Variants in PWWP3A observed in about 807,000 individuals in gnomAD.
The protein encoded by PWWP3A is PWWP domain-containing DNA repair factor 3A.
PWWP3A carries 53 observed loss-of-function variants against 79.0 expected under a neutral mutation model. The ratio of observed to expected loss-of-function variants is 0.67; its 90% CI spans 0.54 to 0.84. The LOEUF (loss-of-function observed/expected upper bound fraction) is 0.84, where lower values mean the gene tolerates loss of function less well. PWWP3A is among the 40% of genes least tolerant of loss of function. PWWP3A has a pLI of 0.00. For synonymous variants in PWWP3A, 443 were observed against 394.4 expected (o/e 1.12, Z -1.46); for missense variants, 973 against 948.0 (o/e 1.03, Z -0.35).
Position 1,360,046 on chromosome 19 carries a change from A to T in PWWP3A, c.215-90A>T. The T allele has an allele frequency of 7.5e-7, 1 of 1,326,830 alleles. No homozygotes were observed. Among genetic ancestry groups the T allele is most frequent in the Non-Finnish European group, 1.0e-6 (1 of 1,003,292 alleles). 82.2% of individuals were successfully genotyped at this position (1,326,830 alleles called of 1,614,324 possible). ...ATTTAGGTATGAAACTAGCCGTCAG[A>T]ATGAGACAAGCGAGCTTCTAAAGCG... On this transcript the variant is annotated intron_variant, in intron 4 of 13. Coordinates refer to ENST00000591337, the MANE Select transcript of PWWP3A (RefSeq NM_001369789.1). The surrounding 1 kb of genome is among the most constrained non-coding windows in gnomAD (Gnocchi z 4.4).
intron 1 of PWWP3A, among the ~76,000 whole-genome samples, 173 bp downstream of exon 1, chr19:1,355,308 G>T (rs1327368645): frequency 1.3e-5 from 2 of 151,850 alleles, no homozygotes; most frequent in African/African-American, 4.8e-5. Flanking sequence ...GGCGCCGTGG[G>T]CCCCTCACTT....
At chr19:1,355,570 C>A (rs1254986909) in intron 1 of PWWP3A, among the ~76,000 whole-genome samples, 3 of 142,934 alleles carry the variant, frequency 2.1e-5, no homozygotes, top group East Asian at 2.1e-4. Context: ...CTCCCTGAGC[C>A]CCCCCGCTTC....
rs1424569270 is a variant in PWWP3A, at chr19:1,370,974, G to T, written c.1882G>T (p.Val628Leu). 4 of 1,563,552 alleles carry T rather than the reference G, an allele frequency of 2.6e-6. No individual in the cohort carries two copies. In the South Asian group the frequency reaches 4.7e-5, roughly 18 times the overall value. Residue 628 changes from valine to leucine, a missense_variant, in exon 12 of 14, where the codon GTG becomes TTG. Coordinates refer to ENST00000591337, the MANE Select transcript of PWWP3A (RefSeq NM_001369789.1). ...YLEDEGQLDL[V>L]VKYLQGVYQE... is the part of the protein sequence containing the mutation. ...GGAGGATGAGGGGCAGCTGGACCTG[G>T]TGGTGAAGTACCTGCAGGGCGTCTA... is the stretch of plus-strand genomic sequence containing the variant.
rs559283863 is a variant in PWWP3A at position 1,362,644 on chromosome 19, G to T, written c.1213+293G>T. Among the ~76,000 whole-genome samples the T allele has an allele frequency of 1.2e-4, 19 of 152,334 alleles. No homozygotes were observed. The South Asian group carries it at 3.3e-3, about 27-fold the overall frequency. On this transcript the variant is annotated intron_variant, in intron 6 of 13. Coordinates refer to ENST00000591337, the MANE Select transcript of PWWP3A (RefSeq NM_001369789.1). ...CAAGCCCTTGTCCTCCTGTCCCCTC[G>T]CGGGGAGTGAGGGATGGCCCAGTGA...
At chr19:1,371,352 C>T in intron 12 of PWWP3A, 1 of 704,220 alleles carries the variant, frequency 1.4e-6, no homozygotes, top group Non-Finnish European at 2.6e-6. Flanking sequence ...CGAACTCCCT[C>T]CCTACTGCGG....
chr19:1,373,194 G>T (rs779918443), intron 13 of PWWP3A, 34 bp downstream of exon 13: 20 of 1,586,468 alleles, frequency 1.3e-5, no homozygotes, highest in Non-Finnish European at 1.7e-5. Flanking sequence ...CCAGCCACTT[G>T]CGTCTCTGCC....
Position 1,360,960 on chromosome 19 carries a change from C to A in PWWP3A, c.1039C>A (p.Pro347Thr). The A allele has an allele frequency of 6.8e-7, 1 of 1,476,386 alleles. No homozygotes were observed. The highest frequency in any genetic ancestry group is 9.0e-7 in the Non-Finnish European group (1 of 1,113,878). 91.5% of individuals were successfully genotyped at this position (1,476,386 alleles called of 1,614,324 possible). ...CCCGCGCAGCACCGCCAGGCTGGGCCCGCCTCCCTCCCACGCCTCTGCGGA... is the reference window on the plus strand; with the variant it reads ...CCCGCGCAGCACCGCCAGGCTGGGCACGCCTCCCTCCCACGCCTCTGCGGA... ...VTPRSTARLG[P>T]PPSHASADAT... Residue 347 changes from proline to threonine, a missense_variant, in exon 5 of 14, where the codon CCG becomes ACG. Transcript: ENST00000591337. The surrounding 1 kb of genome is among the most constrained non-coding windows in gnomAD (Gnocchi z 4.4).
At position 1,360,455 on chromosome 19, in the gene PWWP3A, G is replaced by C; in HGVS notation, c.534G>C (p.Lys178Asn). The C allele has an allele frequency of 4.3e-6, 7 of 1,614,188 alleles. No homozygotes were observed. Among genetic ancestry groups the C allele is most frequent in the Middle Eastern group, 1.6e-4 (1 of 6,062 alleles). ...KDPECKVDHK[K>N]GLRKSENPRG... Reference sequence around the variant, plus strand: ...CCGAGTGCAAAGTGGACCACAAGAAGGGGCTCAGGAAAAGTGAAAACCCAA... The same window carrying C: ...CCGAGTGCAAAGTGGACCACAAGAACGGGCTCAGGAAAAGTGAAAACCCAA... The change falls in exon 5 of 14, where the codon AAG becomes AAC. Residue 178 changes from lysine (K) to asparagine (N), a missense_variant. Physicochemically the swap from Lys to Asn is moderately conservative, Grantham distance 94 (BLOSUM62 0). Transcript: ENST00000591337. This position sits in a 1 kb window ranked among gnomAD's most constrained non-coding sequence, Gnocchi z 4.4.
At chr19:1,373,224 A>G (rs1600128405) in intron 13 of PWWP3A, 64 bp downstream of exon 13, 1 of 1,452,062 alleles carries the variant, frequency 6.9e-7, no homozygotes, top group Non-Finnish European at 9.6e-7. Flanking sequence ...CTATTTCCAC[A>G]CCCACAGGCA....
At position 1,362,311 on chromosome 19, in the gene PWWP3A, C is replaced by G; in HGVS notation, c.1173C>G (p.Asp391Glu). ...SNSMRSILEE[D>E]EEDEEPPRVL... Reference sequence around the variant, plus strand: ...CCATGCGTTCTATCCTGGAGGAAGACGAGGAAGACGAGGAGCCACCAAGAG... The same window carrying G: ...CCATGCGTTCTATCCTGGAGGAAGAGGAGGAAGACGAGGAGCCACCAAGAG... The change falls in exon 6 of 14, where the codon GAC becomes GAG. Residue 391 changes from aspartate to glutamate, a missense_variant. Transcript: ENST00000591337. The G allele has an allele frequency of 6.2e-7, 1 of 1,613,684 alleles. No homozygotes were observed. The highest frequency in any genetic ancestry group is 2.2e-5 in the East Asian group (1 of 44,882).
intron 6 of PWWP3A, among the ~76,000 whole-genome samples, chr19:1,362,699 T>G (rs2082045554): frequency 6.6e-6 from 1 of 152,180 alleles, no homozygotes; most frequent in Non-Finnish European, 1.5e-5. Flanking sequence ...ATTGCTCGGG[T>G]GTGGCCACGT....
At position 1,362,390 on chromosome 19, in the gene PWWP3A, G is replaced by A. The variant is rs565835788; in HGVS notation, c.1213+39G>A. 1.9e-5 allele frequency: 29 copies of A among 1,538,696 alleles called. No individual in the cohort carries two copies. The African/African-American group carries it at 3.9e-4, about 20-fold the overall frequency. On this transcript the variant is annotated intron_variant, in intron 6 of 13. Transcript: ENST00000591337. ...AGGGGGCGCCGGCAGTCCTAACGGT[G>A]CGCTCAGAGGCAGCGGCGGCGGGGC...
At position 1,360,468 on chromosome 19, in the gene PWWP3A, A is replaced by G; in HGVS notation, c.547A>G (p.Ser183Gly). ...GGACCACAAGAAGGGGCTCAGGAAA[A>G]GTGAAAACCCAAGAGGCCCGTTGGT... ...KVDHKKGLRK[S>G]ENPRGPLVLP... The change falls in exon 5 of 14, where the codon AGT becomes GGT. Residue 183 changes from serine (S) to glycine (G), a missense_variant. Coordinates refer to ENST00000591337, the MANE Select transcript of PWWP3A (RefSeq NM_001369789.1). This position sits in a 1 kb window ranked among gnomAD's most constrained non-coding sequence, Gnocchi z 4.4. 6.2e-7 allele frequency: 1 copy of G among 1,614,172 alleles called. No individual in the cohort carries two copies. The highest frequency in any genetic ancestry group is 1.1e-5 in the South Asian group (1 of 91,090).
rs2082430289 is a variant in PWWP3A at position 1,377,702 on chromosome 19, A to G, written c.*1126A>G. Reference sequence around the variant, plus strand: ...AGTGGATGCTCCAGGCTGTGCCTACACAGCAGTGCTGGTGACATGTCCAGG... The same window carrying G: ...AGTGGATGCTCCAGGCTGTGCCTACGCAGCAGTGCTGGTGACATGTCCAGG... On this transcript the variant is annotated 3_prime_UTR_variant, in exon 14 of 14. Coordinates refer to ENST00000591337, the MANE Select transcript of PWWP3A (RefSeq NM_001369789.1). 1.3e-5 allele frequency: 2 copies of G among 152,368 alleles called. No homozygotes were observed. Among genetic ancestry groups the G allele is most frequent in the East Asian group, 1.9e-4 (1 of 5,178 alleles). 9.4% of individuals were successfully genotyped at this position (152,368 alleles called of 1,614,324 possible).
At chr19:1,366,039 G>A (rs144131460) in intron 7 of PWWP3A, among the ~76,000 whole-genome samples, 1 of 152,342 alleles carries the variant, frequency 6.6e-6, no homozygotes, top group Non-Finnish European at 1.5e-5. Context: ...ATTTAAAGAG[G>A]CAGCTGGCAG....
chr19:1,356,656 TAAAA>T (rs11396582), intron 2 of PWWP3A, among the ~76,000 whole-genome samples: 3 of 141,666 alleles, frequency 2.1e-5, no homozygotes, highest in Admixed American at 2.1e-4. Context: ...TTTTTCACAC[TAAAA>T]AAAAAAAAAG....
At chr19:1,376,162 G>T (rs1300421154) in intron 13 of PWWP3A, among the ~76,000 whole-genome samples, 5 of 132,552 alleles carry the variant, frequency 3.8e-5, no homozygotes, top group Admixed American at 8.3e-5. Context: ...ATTTAGCTCT[G>T]TCGCCCAGGC....
intron 11 of PWWP3A, 25 bp from the exon 12 acceptor site, chr19:1,370,617 C>T (rs1387289873): frequency 1.4e-6 from 2 of 1,444,432 alleles, no homozygotes; most frequent in Non-Finnish European, 1.8e-6. Flanking sequence ...ACGCGCTGGT[C>T]CCACGACAGG....
chr19:1,375,628 TTA>T (rs1204796144), intron 13 of PWWP3A, among the ~76,000 whole-genome samples: 1 of 136,636 alleles, frequency 7.3e-6, no homozygotes, highest in Non-Finnish European at 1.6e-5. Flanking sequence ...TATAACAATT[TTA>T]TATATTATAT....
Sources: gnomAD v4.1 joint callset for allele counts (sites outside exome capture counted in the v4.1 genomes callset) on GRCh38, gnomAD v4.1.1 for gene constraint, Gnocchi (gnomAD v3.1) non-coding constraint, MANE v1.5 for transcripts, NCBI Gene and HGNC (gene_info 2026-07-23, HGNC 2026-07-21) for gene names.